SIPA1L1: variants seen among roughly 807,000 people sequenced by gnomAD.
SIPA1L1 encodes signal induced proliferation associated 1 like 1.
SIPA1L1 carries 26 observed loss-of-function variants against 162.7 expected under a neutral mutation model. The ratio of observed to expected loss-of-function variants is 0.16; its 90% CI spans 0.12 to 0.22. The LOEUF is 0.22. Ranked by LOEUF, SIPA1L1 falls within the 10% of genes least tolerant of loss-of-function variation. The pLI is 1.00. For synonymous variants in SIPA1L1, 829 were observed against 837.4 expected (o/e 0.99, Z 0.17); for missense variants, 1,874 against 2,241.0 (o/e 0.84, Z 3.31).
chr14:71,604,680 A>C (rs552962297), intron 5 of SIPA1L1, among the ~76,000 whole-genome samples: 2 of 151,394 alleles, frequency 1.3e-5, no homozygotes, highest in South Asian at 2.1e-4. Flanking sequence ...TTATTTATTT[A>C]TTTTTTTTCT....
chr14:71,445,165 G>GA (rs1017465682), intron 2 of SIPA1L1, among the ~76,000 whole-genome samples: 2 of 152,150 alleles, frequency 1.3e-5, no homozygotes, highest in African/African-American at 4.8e-5. Context: ...CCTGGCGTAA[G>GA]AAAAAATCCA....
intron 5 of SIPA1L1, among the ~76,000 whole-genome samples, chr14:71,612,366 T>C (rs1170940540): frequency 6.6e-6 from 1 of 152,200 alleles, no homozygotes; most frequent in Non-Finnish European, 1.5e-5. Flanking sequence ...GTTTTTTATA[T>C]TGGGTTAGGC....
chr14:71,384,479 C>T (rs76333752), intron 2 of SIPA1L1, among the ~76,000 whole-genome samples: 3,293 of 152,222 alleles, frequency 0.022, 118 homozygotes, highest in African/African-American at 0.075. Context: ...GAAACGACAC[C>T]GCCGCCTTGA....
rs141152436 is a variant in SIPA1L1, at chr14:71,540,835, TATTC to T, written c.-303+11468_-303+11471del. 0.013 allele frequency among the ~76,000 whole-genome samples: 1,976 copies of T among 152,166 alleles called. 148 individuals are homozygous for T. The East Asian group carries it at 0.22, about 17-fold the overall frequency. ...AAGCTGTAACGCATTAATCAGAACT[TATTC>T]ATGCTGGCTGGGCAGGGTGGCTCAG... On this transcript the variant is annotated intron_variant, in intron 4 of 23. Transcript: ENST00000381232.
chr14:71,715,483 A>G (rs2083200817), intron 17 of SIPA1L1, among the ~76,000 whole-genome samples: 1 of 152,246 alleles, frequency 6.6e-6, no homozygotes, highest in Non-Finnish European at 1.5e-5. Context: ...ACAGCAGGTC[A>G]GAAACTCAGT....
intron 2 of SIPA1L1, among the ~76,000 whole-genome samples, chr14:71,346,447 C>T (rs1333967703): frequency 2.6e-5 from 4 of 152,154 alleles, no homozygotes; most frequent in Non-Finnish European, 5.9e-5. Context: ...GTGCAAGACC[C>T]TCTTGCACAT....
Position 71,648,222 on chromosome 14 carries a change from G to A in SIPA1L1, c.1819-2113G>A, listed in dbSNP as rs151023345. On this transcript the variant is annotated intron_variant, in intron 7 of 23. Transcript: ENST00000381232. ...GGAGAATCGCTTCAACTCCAGAGGC[G>A]GAGGTTGCAGTGAGCCAAGATTGCG... 2.8e-4 allele frequency among the ~76,000 whole-genome samples: 43 copies of A among 152,184 alleles called. No individual in the cohort carries two copies. In the East Asian group the frequency reaches 6.6e-3, roughly 23 times the overall value.
chr14:71,674,218 CT>C (rs1470778344), intron 12 of SIPA1L1, among the ~76,000 whole-genome samples: 8 of 152,164 alleles, frequency 5.3e-5, no homozygotes, highest in African/African-American at 1.9e-4. Context: ...ACTCAGAAGT[CT>C]TTCCCTTGTA....
rs550755486 is a variant in SIPA1L1 at position 71,387,279 on chromosome 14, A to G, written c.-465+66098A>G. On this transcript the variant is annotated intron_variant, in intron 2 of 23. Coordinates refer to ENST00000381232, the MANE Select transcript of SIPA1L1 (RefSeq NM_001386936.1). Reference sequence around the variant, plus strand: ...AAAAAAAAAAAAAAAAAAAAAAAGAAAGACTGAGTAAATATTGTTAATACA... The same window carrying G: ...AAAAAAAAAAAAAAAAAAAAAAAGAGAGACTGAGTAAATATTGTTAATACA... Among the ~76,000 whole-genome samples the G allele has an allele frequency of 5.8e-4, 87 of 149,360 alleles. 1 individual carries two copies. Among genetic ancestry groups the G allele is most frequent in the African/African-American group, 2.1e-3 (85 of 40,932 alleles).
intron 2 of SIPA1L1, among the ~76,000 whole-genome samples, chr14:71,489,784 A>C (rs1182885143): frequency 2.0e-5 from 3 of 152,120 alleles, no homozygotes; most frequent in Non-Finnish European, 4.4e-5. Context: ...GTTGTGCCGC[A>C]TTCAAAGCTG....
At chr14:71,696,698 G>A (rs1463501649) in intron 13 of SIPA1L1, among the ~76,000 whole-genome samples, 1 of 152,148 alleles carries the variant, frequency 6.6e-6, no homozygotes, top group East Asian at 1.9e-4. Flanking sequence ...ACTCAGAAAT[G>A]TAAAGATAAA....
chr14:71,429,611 A>G (rs1340168848), intron 2 of SIPA1L1, among the ~76,000 whole-genome samples: 3 of 151,950 alleles, frequency 2.0e-5, no homozygotes, highest in African/African-American at 7.3e-5. Context: ...GGCTCTGTGT[A>G]TATGGGCATG....
intron 2 of SIPA1L1, among the ~76,000 whole-genome samples, chr14:71,354,244 G>A (rs1376407916): frequency 1.3e-5 from 2 of 151,122 alleles, no homozygotes; most frequent in African/African-American, 2.4e-5. Flanking sequence ...AAAGTAGGCC[G>A]TGTGTCATTT....
intron 2 of SIPA1L1, among the ~76,000 whole-genome samples, chr14:71,450,017 A>G (rs536728155): frequency 6.6e-6 from 1 of 152,332 alleles, no homozygotes; most frequent in East Asian, 1.9e-4. Flanking sequence ...TAAAAATGAT[A>G]TATGTTCATT....
intron 13 of SIPA1L1, among the ~76,000 whole-genome samples, chr14:71,693,753 A>T (rs2081419891): frequency 6.6e-6 from 1 of 150,856 alleles, no homozygotes; most frequent in South Asian, 2.1e-4. Context: ...ATTTTGGAAG[A>T]ATCCTAGTTG....
chr14:71,464,828 C>T (rs552909254), intron 2 of SIPA1L1, among the ~76,000 whole-genome samples: 2 of 152,234 alleles, frequency 1.3e-5, no homozygotes, highest in South Asian at 4.2e-4. Flanking sequence ...CAGTTCTTTT[C>T]AAGTGTAGCG....
chr14:71,533,296 G>T (rs2053608055), intron 4 of SIPA1L1, among the ~76,000 whole-genome samples: 1 of 152,128 alleles, frequency 6.6e-6, no homozygotes, highest in Non-Finnish European at 1.5e-5. Flanking sequence ...GCATTTATAA[G>T]TCACTTAGGA....
chr14:71,530,647 T>C (rs560098145), intron 4 of SIPA1L1, among the ~76,000 whole-genome samples: 1 of 152,332 alleles, frequency 6.6e-6, no homozygotes, highest in African/African-American at 2.4e-5. Flanking sequence ...CTCAACACTC[T>C]ATAGAGAAAT....
intron 2 of SIPA1L1, among the ~76,000 whole-genome samples, chr14:71,332,800 A>G (rs1347351811): frequency 6.6e-6 from 1 of 152,174 alleles, no homozygotes; most frequent in Non-Finnish European, 1.5e-5. Flanking sequence ...TTATGTATCA[A>G]ATAATCCTTG....
Sources: allele counts gnomAD v4.1 joint callset (sites outside exome capture counted in the v4.1 genomes callset), GRCh38; gene constraint gnomAD v4.1.1; transcripts MANE v1.5; gene names NCBI Gene and HGNC (gene_info 2026-07-23, HGNC 2026-07-21).